The following ZNF286A variants were observed in gnomAD, a reference collection of about 807,000 sequenced individuals.
ZNF286A encodes zinc finger protein 286A.
Under a neutral mutation model 49.3 loss-of-function variants are expected in ZNF286A, and 34 were observed. That is an observed-to-expected ratio of 0.69 (90% CI 0.52 to 0.92). The LOEUF is 0.92. Among genes scored for constraint, ZNF286A ranks in the 40% least tolerant of loss-of-function variants. The pLI is 0.00. For missense variants in ZNF286A, 462 were observed against 600.2 expected (o/e 0.77, Z 2.41); for synonymous variants, 155 against 200.4 (o/e 0.77, Z 1.91).
Position 15,719,540 on chromosome 17 carries a change from C to A in ZNF286A, c.*2250C>A, listed in dbSNP as rs186317070. On this transcript the variant is annotated 3_prime_UTR_variant, in exon 6 of 6. Coordinates refer to ENST00000583566, the MANE Select transcript of ZNF286A (RefSeq NM_001130842.2). ...TCTGCTTCTTGGTTAATAGAAAGCA[C>A]CTTTCACTGTGTCTTCACATGGTAG... 2 of 151,916 alleles carry A rather than the reference C, an allele frequency of 1.3e-5. No individual in the cohort carries two copies. The highest frequency in any genetic ancestry group is 1.3e-4 in the Admixed American group (2 of 15,258). The allele number at this position is 151,916 out of a possible 1,614,324, so 9.4% of individuals were successfully genotyped here.
intron 4 of ZNF286A, among the ~76,000 whole-genome samples, chr17:15,707,661 G>T (rs1990338865): frequency 6.6e-6 from 1 of 152,088 alleles, no homozygotes; most frequent in African/African-American, 2.4e-5. Flanking sequence ...TCTGACAGTT[G>T]AAAATATTTG....
At chr17:15,705,941 C>G (rs926771732) in intron 3 of ZNF286A, among the ~76,000 whole-genome samples, 19 of 152,134 alleles carry the variant, frequency 1.2e-4, no homozygotes, top group Non-Finnish European at 1.0e-4. Context: ...CGTGACTTCT[C>G]CATTTACAAG....
intron 5 of ZNF286A, among the ~76,000 whole-genome samples, chr17:15,715,737 A>C (rs1309559109): frequency 6.6e-6 from 1 of 152,138 alleles, no homozygotes; most frequent in African/African-American, 2.4e-5. Flanking sequence ...ATTCTATAAA[A>C]AGTTATTTCT....
At chr17:15,712,569 T>C (rs1990751769) in intron 5 of ZNF286A, among the ~76,000 whole-genome samples, 1 of 152,268 alleles carries the variant, frequency 6.6e-6, no homozygotes, top group Non-Finnish European at 1.5e-5. Context: ...GGTGGAAATC[T>C]ACGCACAGTC....
chr17:15,706,415 TG>T lies in ZNF286A; in HGVS notation c.157del (p.Asp53ThrfsTer17). The T allele has an allele frequency of 6.2e-7, 1 of 1,614,026 alleles. No homozygotes were observed. Among genetic ancestry groups the T allele is most frequent in the Non-Finnish European group, 8.5e-7 (1 of 1,179,944 alleles). On this transcript the variant is annotated frameshift_variant, in exon 4 of 6. Transcript: ENST00000583566. LOFTEE classifies it high-confidence loss of function. Reference sequence around the variant, plus strand: ...ACAGTGACATTCAAGGATGTGGCCATGGACTTTACACCAGAGGAGTGGGGGA... The same window carrying T: ...ACAGTGACATTCAAGGATGTGGCCATGACTTTACACCAGAGGAGTGGGGGA... ...QETVTFKDVA[M>X]DFTPEEWGKL... is the part of the protein sequence containing the mutation.
chr17:15,703,342 T>A (rs1198009150), intron 3 of ZNF286A, among the ~76,000 whole-genome samples: 1 of 152,040 alleles, frequency 6.6e-6, no homozygotes, highest in Non-Finnish European at 1.5e-5. Context: ...TTATGGAAAA[T>A]TTTTAAAACT....
intron 3 of ZNF286A, among the ~76,000 whole-genome samples, chr17:15,701,993 G>A (rs1025819823): frequency 1.3e-5 from 2 of 151,922 alleles, no homozygotes; most frequent in South Asian, 2.1e-4. Context: ...ATGGTGGCAC[G>A]CACCTGTAGT....
chr17:15,709,142 G>A (rs1304615138), intron 5 of ZNF286A, among the ~76,000 whole-genome samples: 2 of 151,888 alleles, frequency 1.3e-5, no homozygotes, highest in Non-Finnish European at 2.9e-5. Context: ...CTTTTGAGGT[G>A]TGTGATGTCT....
chr17:15,702,803 T>C (rs1189623490), intron 3 of ZNF286A, among the ~76,000 whole-genome samples: 1 of 152,202 alleles, frequency 6.6e-6, no homozygotes, highest in Non-Finnish European at 1.5e-5. Flanking sequence ...TGAAAAGAAG[T>C]AACTATTGAC....
chr17:15,702,977 G>A (rs1217198578), intron 3 of ZNF286A, among the ~76,000 whole-genome samples: 3 of 152,114 alleles, frequency 2.0e-5, no homozygotes, highest in Non-Finnish European at 4.4e-5. Flanking sequence ...ATCTTCCTGT[G>A]TTGAAGGCCA....
chr17:15,715,210 CT>C (rs934604376), intron 5 of ZNF286A, among the ~76,000 whole-genome samples: 3 of 151,284 alleles, frequency 2.0e-5, no homozygotes, highest in African/African-American at 7.3e-5. Context: ...TCCATTTATC[CT>C]TTTTTTATTT....
At chr17:15,707,524 G>A (rs150514640) in intron 4 of ZNF286A, among the ~76,000 whole-genome samples, 358 of 152,036 alleles carry the variant, frequency 2.4e-3, no homozygotes, top group African/African-American at 4.9e-3. Context: ...AGTTACCACC[G>A]TTACAGTTAT....
At position 15,720,095 on chromosome 17, in the gene ZNF286A, A is replaced by T. The variant is rs1332183757; in HGVS notation, c.*2805A>T. Reference sequence around the variant, plus strand: ...ATTCTGCCATCCCCACTAAGCAGTCATGTGACCTTGGAAAAACTCCCTACT... The same window carrying T: ...ATTCTGCCATCCCCACTAAGCAGTCTTGTGACCTTGGAAAAACTCCCTACT... On this transcript the variant is annotated 3_prime_UTR_variant, in exon 6 of 6. Transcript: ENST00000583566. The T allele has an allele frequency of 6.6e-6, 1 of 152,142 alleles. No homozygotes were observed. Among genetic ancestry groups the T allele is most frequent in the Non-Finnish European group, 1.5e-5 (1 of 68,022 alleles). The allele number at this position is 152,142 out of a possible 1,614,324, so 9.4% of individuals were successfully genotyped here.
chr17:15,711,125 G>A (rs59703982), intron 5 of ZNF286A, among the ~76,000 whole-genome samples: 45,825 of 151,780 alleles, frequency 0.3, 7,159 homozygotes, highest in East Asian at 0.48. Context: ...TGTTAGCCAG[G>A]GTGGTCTCGA....
chr17:15,708,471 T>C, intron 5 of ZNF286A: 1 of 369,458 alleles, frequency 2.7e-6, no homozygotes, highest in East Asian at 4.1e-5. Context: ...GCCTCTTTTC[T>C]TTCTTCCTTT....
chr17:15,712,157 C>G (rs926346927), intron 5 of ZNF286A, among the ~76,000 whole-genome samples: 1 of 152,220 alleles, frequency 6.6e-6, no homozygotes, highest in Non-Finnish European at 1.5e-5. Flanking sequence ...CAGGCGTGAG[C>G]CACTGCGTCC....
chr17:15,702,663 T>A (rs1217340667), intron 3 of ZNF286A, among the ~76,000 whole-genome samples: 1 of 152,254 alleles, frequency 6.6e-6, no homozygotes, highest in African/African-American at 2.4e-5. Context: ...ATAGTGTTTG[T>A]AAAAGTCACT....
intron 5 of ZNF286A, among the ~76,000 whole-genome samples, chr17:15,712,639 T>C (rs1990758523): frequency 1.3e-5 from 2 of 152,222 alleles, no homozygotes; most frequent in African/African-American, 2.4e-5. Context: ...AATTATATTC[T>C]AAGTATTTCT....
Position 15,718,756 on chromosome 17 carries a change from T to G in ZNF286A, c.*1466T>G, listed in dbSNP as rs1468863202. 6.7e-6 allele frequency: 1 copy of G among 149,222 alleles called. No homozygotes were observed. The highest frequency in any genetic ancestry group is 1.5e-5 in the Non-Finnish European group (1 of 67,782). The allele number at this position is 149,222 out of a possible 1,614,324, so 9.2% of individuals were successfully genotyped here. A position where few individuals can be genotyped will look rare whatever the true frequency, so the allele number is the denominator to read the frequency against. ...TGTCTGTATCGGTTCAATCTCACAC[T>G]GCTATAAAGAAATGCCTGAGACTGG... On this transcript the variant is annotated 3_prime_UTR_variant, in exon 6 of 6. Transcript: ENST00000583566.
Sources: allele counts gnomAD v4.1 joint callset (sites outside exome capture counted in the v4.1 genomes callset), GRCh38; gene constraint gnomAD v4.1.1; transcripts MANE v1.5; gene names NCBI Gene and HGNC (gene_info 2026-07-23, HGNC 2026-07-21).